BMPER: variants seen among roughly 807,000 people sequenced by gnomAD.
BMPER encodes BMP-binding endothelial regulator protein.
A neutral mutation model predicts 87.3 loss-of-function variants in BMPER; 45 were observed. The ratio of observed to expected loss-of-function variants is 0.52; its 90% CI spans 0.41 to 0.66. The LOEUF (loss-of-function observed/expected upper bound fraction) is 0.66. Ranked by LOEUF, BMPER falls within the 30% of genes least tolerant of loss-of-function variation. The probability of loss-of-function intolerance (pLI) is 0.00; values close to 1 mark genes in which losing one functional copy is unlikely to be tolerated. For missense variants in BMPER, 784 were observed against 867.5 expected, an observed-to-expected ratio of 0.90 and a Z score of 1.21; for synonymous variants, 326 against 316.2, an observed-to-expected ratio of 1.03 and a Z score of -0.33.
Position 34,058,279 on chromosome 7 carries a change from T to G in BMPER, c.1032+116T>G, listed in dbSNP as rs77827400. 35,882 of 962,754 alleles carry G rather than the reference T, an allele frequency of 0.037. 815 individuals carry two copies. The highest frequency in any genetic ancestry group is 0.049 in the Middle Eastern group (159 of 3,242). 59.6% of individuals were successfully genotyped at this position (962,754 alleles called of 1,614,324 possible). A position where few individuals can be genotyped will look rare whatever the true frequency, so the allele number is the denominator to read the frequency against. On this transcript the variant is annotated intron_variant, in intron 10 of 14. Coordinates refer to ENST00000649409, the MANE Select transcript of BMPER (RefSeq NM_001365308.1). ...TCCAGCTCCCCCAAAGCCTCTACAT[T>G]CCTGACTAGTCAAATGCCTCTTGCA... is the stretch of plus-strand genomic sequence containing the variant.
chr7:34,008,831 CT>C (rs935286481), intron 6 of BMPER, among the ~76,000 whole-genome samples: 79 of 151,804 alleles, frequency 5.2e-4, no homozygotes, highest in Admixed American at 5.3e-4. Flanking sequence ...TTTTTGTTTA[CT>C]TTTTTTCTTT....
At chr7:34,126,185 G>A (rs1790397213) in intron 13 of BMPER, among the ~76,000 whole-genome samples, 1 of 152,206 alleles carries the variant, frequency 6.6e-6, no homozygotes, top group Admixed American at 6.5e-5. Flanking sequence ...TTGAAAAGGA[G>A]AGAGCCACCC....
At chr7:34,065,199 A>ACACTCTCTCTCTCT (rs1298854336) in intron 11 of BMPER, among the ~76,000 whole-genome samples, 1 of 94,124 alleles carries the variant, frequency 1.1e-5, no homozygotes, top group Non-Finnish European at 2.3e-5. Context: ...ACACATACAC[A>ACACTCTCTCTCTCT]CTCACTCTCT....
intron 6 of BMPER, among the ~76,000 whole-genome samples, chr7:34,033,072 G>C (rs1229896036): frequency 6.6e-6 from 1 of 152,122 alleles, no homozygotes; most frequent in African/African-American, 2.4e-5. Flanking sequence ...ATGCATTTTA[G>C]GCAAAGTATA....
chr7:34,078,813 TGGCTTGGTTTGTGACCC>T (rs750417439), intron 11 of BMPER, 27 bp from the exon 12 acceptor site: 16 of 1,596,398 alleles, frequency 1.0e-5, no homozygotes, highest in Non-Finnish European at 1.4e-5. Context: ...TGTGAATCCT[TGGCTTGGTTTGTGACCC>T]GGCTTTTGTC....
rs1585834678 is a variant in BMPER, at chr7:34,100,741, A to T, written c.1745+14649A>T. 2.0e-5 allele frequency among the ~76,000 whole-genome samples: 3 copies of T among 152,344 alleles called. No homozygotes were observed. The South Asian group carries it at 6.2e-4, about 32-fold the overall frequency. On this transcript the variant is annotated intron_variant, in intron 13 of 14. Transcript: ENST00000649409. Reference sequence around the variant, plus strand: ...ATCTGGTGCAGTGGCCTTAGGTTCCAATAACTGTTCTAGTTTATTTGACTT... The same window carrying T: ...ATCTGGTGCAGTGGCCTTAGGTTCCTATAACTGTTCTAGTTTATTTGACTT...
At chr7:33,927,412 A>G (rs552065515) in intron 2 of BMPER, among the ~76,000 whole-genome samples, 4 of 152,248 alleles carry the variant, frequency 2.6e-5, no homozygotes, top group African/African-American at 9.6e-5. Flanking sequence ...TGCCACCACC[A>G]ATTGCCAAGG....
intron 6 of BMPER, among the ~76,000 whole-genome samples, chr7:34,007,311 A>T (rs889367795): frequency 2.0e-5 from 3 of 152,078 alleles, no homozygotes; most frequent in Admixed American, 6.6e-5. Flanking sequence ...TATTGTATTA[A>T]AATCAAAATT....
intron 2 of BMPER, among the ~76,000 whole-genome samples, chr7:33,931,807 A>G (rs1300785366): frequency 1.3e-5 from 2 of 152,208 alleles, no homozygotes; most frequent in Non-Finnish European, 2.9e-5. Flanking sequence ...ATGGACCACT[A>G]TTGTGTAAGT....
At chr7:34,063,135 C>G (rs1788485446) in intron 11 of BMPER, among the ~76,000 whole-genome samples, 1 of 152,188 alleles carries the variant, frequency 6.6e-6, no homozygotes, top group Non-Finnish European at 1.5e-5. Flanking sequence ...AGTAATGTCA[C>G]TGTCAAATTA....
intron 3 of BMPER, among the ~76,000 whole-genome samples, chr7:33,942,985 A>G (rs1784804502): frequency 6.6e-6 from 1 of 152,274 alleles, no homozygotes; most frequent in Non-Finnish European, 1.5e-5. Context: ...ACTTCCTCCC[A>G]TGATTTGTTG....
chr7:34,051,794 T>A, intron 7 of BMPER, 67 bp from the exon 8 acceptor site: 1 of 1,337,020 alleles, frequency 7.5e-7, no homozygotes, highest in Non-Finnish European at 1.1e-6. Flanking sequence ...TATGATGGAA[T>A]CACCGATGAC....
At chr7:33,935,726 G>A (rs948404051) in intron 2 of BMPER, among the ~76,000 whole-genome samples, 8 of 152,174 alleles carry the variant, frequency 5.3e-5, no homozygotes, top group African/African-American at 1.9e-4. Flanking sequence ...GGTGTGGGGT[G>A]CAGGTGGCTG....
chr7:34,144,470 G>A (rs78386639), intron 14 of BMPER, among the ~76,000 whole-genome samples: 190 of 150,838 alleles, frequency 1.3e-3, no homozygotes, highest in African/African-American at 4.4e-3. Context: ...AATTGGAAGG[G>A]GACAAGATTG....
chr7:33,935,227 C>A (rs1784574529), intron 2 of BMPER, among the ~76,000 whole-genome samples: 1 of 152,036 alleles, frequency 6.6e-6, no homozygotes, highest in South Asian at 2.1e-4. Context: ...GAGCGTGGAG[C>A]CAGTATGCTT....
chr7:33,966,664 G>T, intron 4 of BMPER, 103 bp downstream of exon 4: 7 of 1,110,882 alleles, frequency 6.3e-6, no homozygotes, highest in Non-Finnish European at 4.0e-6. Flanking sequence ...AGGCCAAACA[G>T]AAATGAAAAA....
At chr7:34,143,538 A>C (rs910808624) in intron 14 of BMPER, among the ~76,000 whole-genome samples, 178 bp downstream of exon 14, 1 of 152,236 alleles carries the variant, frequency 6.6e-6, no homozygotes. Flanking sequence ...CCCACTGGGC[A>C]AGGTAGACAG....
chr7:33,934,829 G>C (rs373844138), intron 2 of BMPER, among the ~76,000 whole-genome samples: 7 of 152,250 alleles, frequency 4.6e-5, no homozygotes, highest in African/African-American at 1.7e-4. Context: ...CCGCAGCCAG[G>C]TTGCAGCCAG....
chr7:33,988,950 A>G (rs56734768), intron 6 of BMPER, among the ~76,000 whole-genome samples: 9 of 129,714 alleles, frequency 6.9e-5, no homozygotes, highest in Non-Finnish European at 1.3e-4. Context: ...TGAACTCATC[A>G]TTTTTTATGG....
Sources: gnomAD v4.1 joint callset for allele counts (sites outside exome capture counted in the v4.1 genomes callset) on GRCh38, gnomAD v4.1.1 for gene constraint, MANE v1.5 for transcripts, NCBI Gene and HGNC (gene_info 2026-07-23, HGNC 2026-07-21) for gene names.